Variants in VSIG1 observed in about 807,000 individuals in gnomAD.
VSIG1 encodes the protein V-set and immunoglobulin domain-containing protein 1.
In VSIG1, 11 loss-of-function variants were observed where a neutral mutation model predicts 20.1. The ratio of observed to expected loss-of-function variants is 0.55; its 90% CI spans 0.34 to 0.91. The LOEUF is 0.91. Among genes scored for constraint, VSIG1 ranks in the 40% least tolerant of loss-of-function variants. VSIG1 has a pLI of 0.02. For synonymous variants in VSIG1, 126 were observed against 116.7 expected (o/e 1.08, Z -0.52); for missense variants, 283 against 298.8 (o/e 0.95, Z 0.39).
At chrX:108,055,032 G>GA (rs903867716) in intron 1 of VSIG1, among the ~76,000 whole-genome samples, 11 of 106,364 alleles carry the variant, frequency 1.0e-4, no homozygotes, top group African/African-American at 3.1e-4. Flanking sequence ...TTGCTTTTCT[G>GA]AAAAAAAAAT....
the VSIG1 span, among the ~76,000 whole-genome samples, chrX:108,034,048 T>C: frequency 9.0e-6 from 1 of 110,902 alleles, no homozygotes. Flanking sequence ...ATCTCAGCTC[T>C]GGCCTTCCAC....
intron 2 of VSIG1, among the ~76,000 whole-genome samples, chrX:108,061,262 G>C (rs1234858401): frequency 2.7e-5 from 3 of 112,264 alleles, no homozygotes; most frequent in African/African-American, 9.7e-5. Flanking sequence ...TTTATGGGAG[G>C]ATAAAAAGAC....
the VSIG1 span, among the ~76,000 whole-genome samples, chrX:108,036,905 A>G: frequency 8.9e-6 from 1 of 112,015 alleles, no homozygotes. Context: ...CTTTCACTGC[A>G]TAACAACATC....
intron 1 of VSIG1, among the ~76,000 whole-genome samples, chrX:108,047,786 CTCTCTA>C (rs1382896827): frequency 3.3e-5 from 2 of 60,076 alleles, no homozygotes; most frequent in African/African-American, 7.2e-5. Flanking sequence ...CTCTCTCTCT[CTCTCTA>C]TATATATATA....
the VSIG1 span, among the ~76,000 whole-genome samples, chrX:108,021,423 G>C: frequency 8.9e-6 from 1 of 111,773 alleles, no homozygotes; most frequent in Non-Finnish European, 1.9e-5. Context: ...TTTCATCATT[G>C]AGTTGTGATA....
chrX:108,021,125 T>A, the VSIG1 span, among the ~76,000 whole-genome samples: 17 of 111,712 alleles, frequency 1.5e-4, no homozygotes, highest in African/African-American at 5.2e-4. Flanking sequence ...CTTTTTCCAG[T>A]GTGGAAACTA....
At chrX:108,047,779 T>G (rs1297149170) in intron 1 of VSIG1, among the ~76,000 whole-genome samples, 1 of 78,235 alleles carries the variant, frequency 1.3e-5, no homozygotes, top group African/African-American at 5.4e-5. Flanking sequence ...TCTCTCTCTC[T>G]CTCTCTCTCT....
chrX:108,069,059 C>T (rs1371168477), intron 3 of VSIG1, among the ~76,000 whole-genome samples: 1 of 111,739 alleles, frequency 8.9e-6, no homozygotes, highest in Non-Finnish European at 1.9e-5. Flanking sequence ...CTTCCTGGTT[C>T]TGGGATGTTC....
the VSIG1 span, among the ~76,000 whole-genome samples, chrX:108,028,942 C>T: frequency 9.0e-6 from 1 of 111,503 alleles, no homozygotes; most frequent in Non-Finnish European, 1.9e-5. Context: ...CTTGGGTAGC[C>T]ATTCACAAAT....
chrX:108,057,950 T>C (rs1450122270), intron 1 of VSIG1, 88 bp from the exon 2 acceptor site: 8 of 923,365 alleles, frequency 8.7e-6, no homozygotes, highest in Non-Finnish European at 1.0e-5. Context: ...ATTCCTCAAA[T>C]AGGATGTCTT....
the VSIG1 span, among the ~76,000 whole-genome samples, chrX:108,030,239 C>T: frequency 1.8e-4 from 20 of 111,903 alleles, no homozygotes; most frequent in Non-Finnish European, 3.4e-4. Context: ...TCATCTAATT[C>T]TCTGCTCTTG....
the VSIG1 span, among the ~76,000 whole-genome samples, chrX:108,036,023 C>T: frequency 3.0e-5 from 3 of 100,638 alleles, no homozygotes; most frequent in African/African-American, 1.1e-4. Context: ...TTGTGAAACA[C>T]AATGCATAAG....
chrX:108,067,255 C>A, intron 3 of VSIG1, 121 bp downstream of exon 3: 2 of 749,666 alleles, frequency 2.7e-6, no homozygotes, highest in Non-Finnish European at 3.9e-6. Flanking sequence ...CTAATATTTT[C>A]ATTATCAGGG....
At chrX:108,021,812 A>G in the VSIG1 span, among the ~76,000 whole-genome samples, 6 of 112,150 alleles carry the variant, frequency 5.3e-5, no homozygotes, top group African/African-American at 1.9e-4. Flanking sequence ...TGAAATGACT[A>G]TTCTTTCTCC....
At chrX:108,030,822 C>A in the VSIG1 span, among the ~76,000 whole-genome samples, 1 of 111,729 alleles carries the variant, frequency 9.0e-6, no homozygotes, top group South Asian at 3.8e-4. Flanking sequence ...CAGGACAGTT[C>A]TTTCAAATGT....
chrX:108,066,915 T>C, intron 2 of VSIG1, 21 bp from the exon 3 acceptor site: 1 of 1,202,102 alleles, frequency 8.3e-7, no homozygotes, highest in East Asian at 3.0e-5. Context: ...CAGTTCTCAC[T>C]TCTGTTATTT....
chrX:108,058,305 T>C, intron 2 of VSIG1, 104 bp downstream of exon 2: 1 of 812,254 alleles, frequency 1.2e-6, no homozygotes, highest in Non-Finnish European at 1.7e-6. Flanking sequence ...CCAGTGACAG[T>C]AGTGGCAGGA....
upstream of VSIG1, among the ~76,000 whole-genome samples, chrX:108,041,554 G>A (rs1049562545): frequency 5.2e-3 from 125 of 24,096 alleles, 1 homozygote; most frequent in Admixed American, 0.026. Flanking sequence ...AAAAAACCTC[G>A]TGTGTGTGTG....
chrX:108,055,458 T>C (rs986198598), intron 1 of VSIG1, among the ~76,000 whole-genome samples: 1 of 112,091 alleles, frequency 8.9e-6, no homozygotes, highest in African/African-American at 3.2e-5. Context: ...ACTCATTTTA[T>C]GAGGCCAGTA....
Sources: gnomAD v4.1 joint callset for allele counts (sites outside exome capture counted in the v4.1 genomes callset) on GRCh38, gnomAD v4.1.1 for gene constraint, MANE v1.5 for transcripts, NCBI Gene and HGNC (gene_info 2026-07-23, HGNC 2026-07-21) for gene names.